Variants in ST6GALNAC5 observed in about 807,000 individuals in gnomAD.
The protein encoded by ST6GALNAC5 is alpha-N-acetylgalactosaminide alpha-2,6-sialyltransferase 5.
ST6GALNAC5 carries 27 observed loss-of-function variants against 33.6 expected under a neutral mutation model. The observed-to-expected ratio is 0.80, with a 90% confidence interval of 0.59 to 1.11. The LOEUF (loss-of-function observed/expected upper bound fraction) is 1.11. Among genes scored for constraint, ST6GALNAC5 ranks in the 50% least tolerant of loss-of-function variants. ST6GALNAC5 has a pLI of 0.00. For missense variants in ST6GALNAC5, 428 were observed against 454.0 expected, an observed-to-expected ratio of 0.94 and a Z score of 0.52; for synonymous variants, 194 against 171.2, an observed-to-expected ratio of 1.13 and a Z score of -1.04.
At position 77,063,011 on chromosome 1, in the gene ST6GALNAC5, T is replaced by G; in HGVS notation, c.816T>G (p.Tyr272Ter). 2 of 1,613,950 alleles carry G rather than the reference T, an allele frequency of 1.2e-6. No homozygotes were observed. The highest frequency in any genetic ancestry group is 1.7e-6 in the Non-Finnish European group (2 of 1,179,876). The change falls in exon 5 of 5, where the codon TAT becomes TAG. Residue 272 changes from tyrosine to a stop codon, truncating the protein, a stop_gained. Coordinates refer to ENST00000477717, the MANE Select transcript of ST6GALNAC5 (RefSeq NM_030965.3). LOFTEE classifies it high-confidence loss of function. ...ACCCTTCAGTACCTTATCATTATTA[T>G]GAACCTTTTGGACCTGATGAATGTA... is the stretch of plus-strand genomic sequence containing the variant. Reference protein sequence around the residue: ...PNHPSVPYHYYEPFGPDECTM... With the variant: ...PNHPSVPYHY
chr1:76,992,360 G>T (rs1649768685), intron 2 of ST6GALNAC5, among the ~76,000 whole-genome samples: 1 of 152,150 alleles, frequency 6.6e-6, no homozygotes, highest in Non-Finnish European at 1.5e-5. Context: ...CCTTCACATA[G>T]GTTCTCAGTG....
At chr1:77,048,900 T>A (rs919569186) in intron 3 of ST6GALNAC5, among the ~76,000 whole-genome samples, 1 of 152,144 alleles carries the variant, frequency 6.6e-6, no homozygotes, top group African/African-American at 2.4e-5. Context: ...ATAACTTGCC[T>A]CAGGTCATCC....
chr1:76,977,662 A>C (rs1246197871), intron 2 of ST6GALNAC5, among the ~76,000 whole-genome samples: 1 of 152,160 alleles, frequency 6.6e-6, no homozygotes, highest in Non-Finnish European at 1.5e-5. Context: ...TTTTATGACT[A>C]AGTAGCATTC....
intron 2 of ST6GALNAC5, among the ~76,000 whole-genome samples, chr1:76,935,363 T>A (rs1647190566): frequency 6.6e-6 from 1 of 152,070 alleles, no homozygotes; most frequent in Non-Finnish European, 1.5e-5. Flanking sequence ...CAGAATTCAT[T>A]TTTTAAAAAT....
chr1:77,030,870 A>G (rs1190151411), intron 2 of ST6GALNAC5, among the ~76,000 whole-genome samples: 1 of 152,226 alleles, frequency 6.6e-6, no homozygotes, highest in Admixed American at 6.5e-5. Context: ...GGGGGCCTCC[A>G]TCTCTTCTTG....
At position 77,066,860 on chromosome 1, in the gene ST6GALNAC5, G is replaced by C. The variant is rs940947113; in HGVS notation, c.*3654G>C. ...TCTACAGTGTGCTCCTAAACCAGCA[G>C]TCTTTGGTGCTGTTAAGGTCTTCCT... On this transcript the variant is annotated 3_prime_UTR_variant, in exon 5 of 5. Coordinates refer to ENST00000477717, the MANE Select transcript of ST6GALNAC5 (RefSeq NM_030965.3). Among the ~76,000 whole-genome samples the C allele has an allele frequency of 1.3e-5, 2 of 152,168 alleles. No homozygotes were observed. The highest frequency in any genetic ancestry group is 4.8e-5 in the African/African-American group (2 of 41,428).
At chr1:76,998,794 T>A (rs1650035016) in intron 2 of ST6GALNAC5, among the ~76,000 whole-genome samples, 1 of 152,222 alleles carries the variant, frequency 6.6e-6, no homozygotes, top group South Asian at 2.1e-4. Flanking sequence ...AACTCTCTTT[T>A]GTAATTATAG....
intron 2 of ST6GALNAC5, among the ~76,000 whole-genome samples, chr1:76,928,226 AT>A (rs1647104041): frequency 6.6e-6 from 1 of 152,192 alleles, no homozygotes; most frequent in Non-Finnish European, 1.5e-5. Flanking sequence ...GGAATAGAAC[AT>A]AAAGGTCGAC....
rs138095164 is a variant in ST6GALNAC5, at chr1:76,936,953, G to GGCGTGTGTGTGTGTGTGTGTGTGTGTGT, written c.261+68212_261+68213insCGTGTGTGTGTGTGTGTGTGTGTGTGTG. Among the ~76,000 whole-genome samples, 302 of 140,040 alleles carry GGCGTGTGTGTGTGTGTGTGTGTGTGTGT rather than the reference G, an allele frequency of 2.2e-3. 14 individuals carry two copies. Among genetic ancestry groups the GGCGTGTGTGTGTGTGTGTGTGTGTGTGT allele is most frequent in the Middle Eastern group, 0.014 (4 of 276 alleles). The allele number at this position is 140,040 out of a possible 152,430, so 91.9% of individuals were successfully genotyped here. A position where few individuals can be genotyped will look rare whatever the true frequency, so the allele number is the denominator to read the frequency against. On this transcript the variant is annotated intron_variant, in intron 2 of 4. Transcript: ENST00000477717. ...AGTCAGGAGACTGGAAGAGAAGCAG[G>GGCGTGTGTGTGTGTGTGTGTGTGTGTGT]GTGTGTGTGTGTGTGTGTGTGTGTG...
intron 2 of ST6GALNAC5, among the ~76,000 whole-genome samples, chr1:77,010,730 C>T (rs742680): frequency 0.063 from 9,537 of 152,228 alleles, 552 homozygotes; most frequent in Admixed American, 0.19. Flanking sequence ...GACACCCCAA[C>T]ACTCTGGACT....
rs1214323492 is a variant in ST6GALNAC5 at position 77,063,378 on chromosome 1, GGA to G, written c.*173_*174del. 3 of 622,292 alleles carry G rather than the reference GGA, an allele frequency of 4.8e-6. No individual in the cohort carries two copies. In the Admixed American group the frequency reaches 8.9e-5, roughly 18 times the overall value. 38.5% of individuals were successfully genotyped at this position (622,292 alleles called of 1,614,324 possible). A position where few individuals can be genotyped will look rare whatever the true frequency, so the allele number is the denominator to read the frequency against. On this transcript the variant is annotated 3_prime_UTR_variant, in exon 5 of 5. Coordinates refer to ENST00000477717, the MANE Select transcript of ST6GALNAC5 (RefSeq NM_030965.3). The stretch of plus-strand genomic sequence containing the variant: ...ACAAAGCAGTGCAGTTGGATTGTAA[GGA>G]AAAATTCCGGAATTAATGCATCCTA...
chr1:76,968,404 C>G (rs1020765677), intron 2 of ST6GALNAC5, among the ~76,000 whole-genome samples: 1 of 152,038 alleles, frequency 6.6e-6, no homozygotes, highest in Non-Finnish European at 1.5e-5. Context: ...AGGATTGCAA[C>G]CCCTGCTTTT....
chr1:76,877,197 C>T (rs537834628), intron 2 of ST6GALNAC5, among the ~76,000 whole-genome samples: 1 of 152,286 alleles, frequency 6.6e-6, no homozygotes, highest in East Asian at 1.9e-4. Flanking sequence ...GGGCCTTGCT[C>T]CAAAATCCTA....
intron 2 of ST6GALNAC5, chr1:76,869,213 A>T (rs1232884576): frequency 1.2e-5 from 2 of 161,218 alleles, no homozygotes; most frequent in Non-Finnish European, 2.7e-5. Flanking sequence ...TGATCTCTCC[A>T]GCGCATTGCT....
In ST6GALNAC5 at chr1:77,067,309, T is replaced by C. The variant is rs1456253946; in HGVS notation, c.*4103T>C. The stretch of plus-strand genomic sequence containing the variant: ...CACTCATCCCACCTTCTCAGGGTGT[T>C]GAAATGCAAATGCAAAAAGGCTGAA... On this transcript the variant is annotated 3_prime_UTR_variant, in exon 5 of 5. Coordinates refer to ENST00000477717, the MANE Select transcript of ST6GALNAC5 (RefSeq NM_030965.3). 6.6e-6 allele frequency among the ~76,000 whole-genome samples: 1 copy of C among 152,194 alleles called. No homozygotes were observed. Among genetic ancestry groups the C allele is most frequent in the Admixed American group, 6.5e-5 (1 of 15,276 alleles).
intron 2 of ST6GALNAC5, among the ~76,000 whole-genome samples, chr1:76,948,107 T>C (rs1328157784): frequency 6.6e-6 from 1 of 152,142 alleles, no homozygotes; most frequent in African/African-American, 2.4e-5. Flanking sequence ...TCTTCCATCT[T>C]ATAGCCTGCA....
intron 2 of ST6GALNAC5, among the ~76,000 whole-genome samples, chr1:76,968,846 T>C (rs1281260981): frequency 6.6e-6 from 1 of 152,204 alleles, no homozygotes; most frequent in Non-Finnish European, 1.5e-5. Flanking sequence ...TGAAGCTTAG[T>C]TTGGCTGGAT....
chr1:76,882,024 A>G (rs544464420), intron 2 of ST6GALNAC5, among the ~76,000 whole-genome samples: 1 of 152,296 alleles, frequency 6.6e-6, no homozygotes, highest in African/African-American at 2.4e-5. Context: ...GTGACTCAAC[A>G]TTATTTGGAC....
chr1:76,951,135 G>C (rs771182062), intron 2 of ST6GALNAC5, among the ~76,000 whole-genome samples: 6 of 152,188 alleles, frequency 3.9e-5, no homozygotes, highest in Middle Eastern at 3.4e-3. Context: ...AGTTGTAATA[G>C]GCCATTGATT....
Sources: allele counts gnomAD v4.1 joint callset (sites outside exome capture counted in the v4.1 genomes callset), GRCh38; gene constraint gnomAD v4.1.1; transcripts MANE v1.5; gene names NCBI Gene and HGNC (gene_info 2026-07-23, HGNC 2026-07-21).